RBFOX3: variants seen among roughly 807,000 people sequenced by gnomAD.
The protein encoded by RBFOX3 is RNA binding fox-1 homolog 3.
Under a neutral mutation model 48.7 loss-of-function variants are expected in RBFOX3, and 17 were observed. The ratio of observed to expected loss-of-function variants is 0.35; its 90% CI spans 0.24 to 0.52. The LOEUF is 0.52. Among genes scored for constraint, RBFOX3 ranks in the 20% least tolerant of loss-of-function variants. The pLI, the probability that RBFOX3 is intolerant of heterozygous loss-of-function variation, is 0.94. For synonymous variants in RBFOX3, 212 were observed against 209.5 expected (o/e 1.01, Z -0.10); for missense variants, 382 against 497.5 (o/e 0.77, Z 2.21).
intron 2 of RBFOX3, among the ~76,000 whole-genome samples, chr17:79,461,871 G>A (rs1430527899): frequency 3.5e-5 from 5 of 144,628 alleles, no homozygotes; most frequent in African/African-American, 8.7e-5. Flanking sequence ...GCTGAGGAAC[G>A]CCATGGGTGG....
At chr17:79,570,754 G>C (rs1262965316) in intron 1 of RBFOX3, among the ~76,000 whole-genome samples, 1 of 152,182 alleles carries the variant, frequency 6.6e-6, no homozygotes, top group Non-Finnish European at 1.5e-5. Context: ...TGCTTTTCAT[G>C]AACTCTCGGG....
intron 2 of RBFOX3, among the ~76,000 whole-genome samples, chr17:79,470,927 T>C (rs2076982379): frequency 6.6e-6 from 1 of 152,142 alleles, no homozygotes; most frequent in Admixed American, 6.5e-5. Flanking sequence ...TGTGTGCCTC[T>C]CTGTCATCCA....
At chr17:79,632,050 G>A in the RBFOX3 span, among the ~76,000 whole-genome samples, 1 of 152,200 alleles carries the variant, frequency 6.6e-6, no homozygotes, top group Non-Finnish European at 1.5e-5. Context: ...GCTGCGCAGG[G>A]AGACAGCGAG....
chr17:79,217,784 G>A (rs150533856), intron 4 of RBFOX3, among the ~76,000 whole-genome samples: 85 of 152,206 alleles, frequency 5.6e-4, no homozygotes, highest in African/African-American at 2.0e-3. Flanking sequence ...TGGGAGGCAG[G>A]GTGTTTTTTT....
intron 3 of RBFOX3, among the ~76,000 whole-genome samples, chr17:79,302,022 G>A (rs2075389247): frequency 6.6e-6 from 1 of 152,200 alleles, no homozygotes; most frequent in Non-Finnish European, 1.5e-5. Flanking sequence ...AAGATGAAGA[G>A]TTCAGGAGAC....
chr17:79,489,681 C>T (rs911173995), intron 1 of RBFOX3, among the ~76,000 whole-genome samples: 5 of 152,224 alleles, frequency 3.3e-5, no homozygotes, highest in South Asian at 2.1e-4. Context: ...TCAGGGTATG[C>T]AGCCCTCTGG....
intron 1 of RBFOX3, among the ~76,000 whole-genome samples, chr17:79,533,100 G>A (rs988532198): frequency 3.3e-5 from 5 of 152,228 alleles, no homozygotes; most frequent in Admixed American, 6.5e-5. Flanking sequence ...TGAAAGAGGC[G>A]TTGCCCCCAT....
At chr17:79,244,704 T>TTC (rs201500776) in intron 3 of RBFOX3, among the ~76,000 whole-genome samples, 5 of 81,690 alleles carry the variant, frequency 6.1e-5, no homozygotes, top group Non-Finnish European at 1.2e-4. Context: ...GAGCCTTCCC[T>TTC]TCCCTTCCCT....
intron 2 of RBFOX3, among the ~76,000 whole-genome samples, chr17:79,429,170 A>C (rs903643574): frequency 1.3e-5 from 2 of 152,258 alleles, no homozygotes; most frequent in Non-Finnish European, 2.9e-5. Flanking sequence ...GCCGTGGAGC[A>C]TGCTCCTTGC....
At chr17:79,586,133 T>C (rs1272866026) in intron 1 of RBFOX3, among the ~76,000 whole-genome samples, 4 of 152,218 alleles carry the variant, frequency 2.6e-5, no homozygotes, top group African/African-American at 9.7e-5. Context: ...AGGCAGGGTC[T>C]ACTTCCTTGC....
intron 1 of RBFOX3, among the ~76,000 whole-genome samples, chr17:79,537,926 A>C (rs1183067878): frequency 6.6e-6 from 1 of 152,144 alleles, no homozygotes; most frequent in Non-Finnish European, 1.5e-5. Context: ...GGCCCAAGGC[A>C]TGTCCACACC....
At chr17:79,332,103 C>G (rs930232078) in intron 2 of RBFOX3, among the ~76,000 whole-genome samples, 1 of 152,174 alleles carries the variant, frequency 6.6e-6, no homozygotes, top group Non-Finnish European at 1.5e-5. Context: ...CAGGGTCATC[C>G]GAAAACCAGA....
intron 4 of RBFOX3, among the ~76,000 whole-genome samples, chr17:79,172,942 C>T (rs1348697277): frequency 6.6e-6 from 1 of 152,344 alleles, no homozygotes; most frequent in East Asian, 1.9e-4. Flanking sequence ...GGTGAGGTGG[C>T]TCATGCCCGT....
At chr17:79,475,278 A>C (rs35461715) in intron 2 of RBFOX3, among the ~76,000 whole-genome samples, 34,802 of 152,010 alleles carry the variant, frequency 0.23, 4,116 homozygotes, top group Middle Eastern at 0.27. Context: ...TTACAGCTCC[A>C]GTCATTCTGG....
At chr17:79,137,756 C>T (rs1252515884) in intron 4 of RBFOX3, among the ~76,000 whole-genome samples, 1 of 152,038 alleles carries the variant, frequency 6.6e-6, no homozygotes, top group Non-Finnish European at 1.5e-5. Context: ...GATTAAATGT[C>T]CCTCATTAAT....
intron 3 of RBFOX3, among the ~76,000 whole-genome samples, chr17:79,263,044 G>A (rs993820576): frequency 6.6e-6 from 1 of 152,112 alleles, no homozygotes; most frequent in South Asian, 2.1e-4. Context: ...GGGTTGAGGC[G>A]ACTTAGCTGA....
chr17:79,237,043 G>A (rs1394672174), intron 3 of RBFOX3, among the ~76,000 whole-genome samples: 4 of 152,144 alleles, frequency 2.6e-5, no homozygotes, highest in Non-Finnish European at 5.9e-5. Context: ...TCACACTGCT[G>A]TCAATCACTG....
At chr17:79,397,211 A>ATG (rs2062101996) in intron 2 of RBFOX3, among the ~76,000 whole-genome samples, 1 of 152,050 alleles carries the variant, frequency 6.6e-6, no homozygotes. Context: ...GGCTGGGCGC[A>ATG]GTGGCTCACG....
In RBFOX3 at chr17:79,205,758, C is replaced by A. The variant is rs1449750964; in HGVS notation, c.-34+30008G>T. Among the ~76,000 whole-genome samples, 1 of 151,958 alleles carries A rather than the reference C, an allele frequency of 6.6e-6. No homozygotes were observed. The highest frequency in any genetic ancestry group is 1.5e-5 in the Non-Finnish European group (1 of 68,012). On this transcript the variant is annotated intron_variant, in intron 4 of 14. Coordinates refer to ENST00000693108, the MANE Select transcript of RBFOX3 (RefSeq NM_001350451.2). This position sits in a 1 kb window ranked among gnomAD's most constrained non-coding sequence, Gnocchi z 4.5. ...TATTTACTGGAATAGCTCGACAGAG[C>A]CTCTATTACTTGGTATATGGTGATT...
Sources: gnomAD v4.1 joint callset for allele counts (sites outside exome capture counted in the v4.1 genomes callset) on GRCh38, gnomAD v4.1.1 for gene constraint, Gnocchi (gnomAD v3.1) non-coding constraint, MANE v1.5 for transcripts, NCBI Gene and HGNC (gene_info 2026-07-23, HGNC 2026-07-21) for gene names.